The following KRABD5 variants were observed in gnomAD, a reference collection of about 807,000 sequenced individuals.
The protein encoded by KRABD5 is KRAB domain-containing protein 5.
the KRABD5 span, among the ~76,000 whole-genome samples, chr16:31,744,823 C>T: frequency 2.3e-5 from 3 of 128,514 alleles, no homozygotes; most frequent in Non-Finnish European, 3.3e-5. Context: ...TTCAGGGATT[C>T]GACTTCTTCC....
chr16:31,747,817 G>C, the KRABD5 span, among the ~76,000 whole-genome samples: 2 of 152,150 alleles, frequency 1.3e-5, no homozygotes, highest in Non-Finnish European at 2.9e-5. Flanking sequence ...CATGTCCTTT[G>C]CCCACTTTTT....
chr16:31,743,234 C>G, the KRABD5 span, among the ~76,000 whole-genome samples: 3 of 152,068 alleles, frequency 2.0e-5, no homozygotes, highest in African/African-American at 7.2e-5. Flanking sequence ...AGATTTTCTT[C>G]TAGGGTTTTT....
chr16:31,754,037 A>G, the KRABD5 span: 13 of 1,077,114 alleles, frequency 1.2e-5, no homozygotes, highest in Non-Finnish European at 1.8e-5. Flanking sequence ...TTTCTAAACC[A>G]TGTGTTTCTG....
chr16:31,720,514 A>G, the KRABD5 span, among the ~76,000 whole-genome samples: 4 of 152,244 alleles, frequency 2.6e-5, no homozygotes, highest in African/African-American at 4.8e-5. Context: ...CAGGCTTCTA[A>G]GTAGAGTCAC....
the KRABD5 span, among the ~76,000 whole-genome samples, chr16:31,720,202 C>T: frequency 4.6e-5 from 7 of 152,206 alleles, no homozygotes; most frequent in African/African-American, 1.7e-4. Context: ...TGTTACTGTC[C>T]TCTCCAGCCT....
chr16:31,738,250 A>G, the KRABD5 span, among the ~76,000 whole-genome samples: 1 of 151,840 alleles, frequency 6.6e-6, no homozygotes, highest in East Asian at 1.9e-4. Context: ...TTCCTTATTG[A>G]TCTTTTGTCT....
the KRABD5 span, chr16:31,722,484 G>T: frequency 2.2e-6 from 2 of 914,684 alleles, no homozygotes; most frequent in Non-Finnish European, 3.3e-6. Flanking sequence ...ATATTATTGT[G>T]TTTAAAAGTA....
chr16:31,734,685 C>T, the KRABD5 span, among the ~76,000 whole-genome samples: 1,526 of 152,178 alleles, frequency 0.01, 10 homozygotes, highest in Middle Eastern at 0.017. Flanking sequence ...TTCTATTCCT[C>T]CCCCTTCAGT....
the KRABD5 span, among the ~76,000 whole-genome samples, chr16:31,734,381 G>A: frequency 1.1e-4 from 17 of 151,922 alleles, no homozygotes; most frequent in African/African-American, 3.4e-4. Flanking sequence ...TCCCCAAGTC[G>A]TTAGGACTAC....
chr16:31,722,500 T>C, the KRABD5 span: 1 of 1,019,090 alleles, frequency 9.8e-7, no homozygotes, highest in Non-Finnish European at 1.5e-6. Context: ...AAGTATCTTA[T>C]TGAATATTTC....
the KRABD5 span, among the ~76,000 whole-genome samples, chr16:31,752,085 G>A: frequency 2.6e-5 from 4 of 152,056 alleles, no homozygotes; most frequent in African/African-American, 9.7e-5. Flanking sequence ...TCTTGGTATT[G>A]TTTTCTGTTT....
chr16:31,757,634 T>C, the KRABD5 span: 1 of 152,212 alleles, frequency 6.6e-6, no homozygotes, highest in African/African-American at 2.4e-5. Context: ...CCTACAAGGA[T>C]ATGCATTAGC....
the KRABD5 span, among the ~76,000 whole-genome samples, chr16:31,743,509 G>A: frequency 1.3e-5 from 2 of 152,166 alleles, no homozygotes; most frequent in African/African-American, 4.8e-5. Context: ...GTACCGTGCT[G>A]TTTTGGTTAC....
At chr16:31,744,989 A>G in the KRABD5 span, among the ~76,000 whole-genome samples, 1 of 151,774 alleles carries the variant, frequency 6.6e-6, no homozygotes, top group East Asian at 1.9e-4. Context: ...ATCACTTTTT[A>G]TTGTGTCTAT....
At chr16:31,719,952 T>C in the KRABD5 span, among the ~76,000 whole-genome samples, 2 of 152,242 alleles carry the variant, frequency 1.3e-5, no homozygotes, top group Admixed American at 6.5e-5. Context: ...CTCTCCCATC[T>C]GTCTATAGTT....
chr16:31,720,564 C>T, the KRABD5 span, among the ~76,000 whole-genome samples: 1 of 152,182 alleles, frequency 6.6e-6, no homozygotes, highest in Non-Finnish European at 1.5e-5. Context: ...GTATGTTCCT[C>T]CACATATTCT....
the KRABD5 span, among the ~76,000 whole-genome samples, chr16:31,733,783 T>A: frequency 6.6e-6 from 1 of 152,234 alleles, no homozygotes; most frequent in Non-Finnish European, 1.5e-5. Flanking sequence ...ATTTGTTTAA[T>A]CTGCTCATCC....
chr16:31,754,406 T>G, the KRABD5 span: 3 of 618,992 alleles, frequency 4.8e-6, no homozygotes, highest in Non-Finnish European at 8.6e-6. Context: ...TTTGACAGCC[T>G]TTAGGCAGGA....
At chr16:31,743,564 C>T in the KRABD5 span, among the ~76,000 whole-genome samples, 1 of 152,116 alleles carries the variant, frequency 6.6e-6, no homozygotes, top group African/African-American at 2.4e-5. Flanking sequence ...GTGATGCCTC[C>T]AGCTTTGTTC....
Sources: allele counts gnomAD v4.1 joint callset (sites outside exome capture counted in the v4.1 genomes callset), GRCh38; gene constraint gnomAD v4.1.1; transcripts MANE v1.5; gene names NCBI Gene and HGNC (gene_info 2026-07-23, HGNC 2026-07-21).